MAGI1: variants seen among roughly 807,000 people sequenced by gnomAD.
MAGI1 encodes the protein membrane associated guanylate kinase, WW and PDZ domain containing 1, also known as membrane-associated guanylate kinase, WW and PDZ domain-containing protein 1.
Under a neutral mutation model 139.9 loss-of-function variants are expected in MAGI1, and 58 were observed. The ratio of observed to expected loss-of-function variants is 0.41; its 90% CI spans 0.34 to 0.52. MAGI1 has a LOEUF of 0.52. Ranked by LOEUF, MAGI1 falls within the 20% of genes least tolerant of loss-of-function variation. MAGI1 has a pLI of 0.12. For synonymous variants in MAGI1, 812 were observed against 737.9 expected, an observed-to-expected ratio of 1.10 and a Z score of -1.63; for missense variants, 1,874 against 1,901.6, an observed-to-expected ratio of 0.99 and a Z score of 0.27.
intron 1 of MAGI1, among the ~76,000 whole-genome samples, chr3:65,982,823 G>A (rs11922509): frequency 0.051 from 7,744 of 152,202 alleles, 632 homozygotes; most frequent in African/African-American, 0.18. Flanking sequence ...GGTACTAAAA[G>A]CTCTCATGAG....
At chr3:65,737,859 G>A (rs147555696) in intron 1 of MAGI1, among the ~76,000 whole-genome samples, 3 of 151,856 alleles carry the variant, frequency 2.0e-5, no homozygotes, top group Admixed American at 6.6e-5. Context: ...ACCAATTACC[G>A]AAAACAACAC....
At chr3:65,723,435 G>A (rs1176811118) in intron 1 of MAGI1, among the ~76,000 whole-genome samples, 2 of 152,134 alleles carry the variant, frequency 1.3e-5, no homozygotes, top group Admixed American at 6.5e-5. Flanking sequence ...ACAATCTCTA[G>A]GGGCAGAAAT....
At chr3:65,478,899 T>G in intron 3 of MAGI1, 101 bp from the exon 4 acceptor site, 1 of 863,202 alleles carries the variant, frequency 1.2e-6, no homozygotes, top group Non-Finnish European at 1.9e-6. Flanking sequence ...AAAAAAAAAT[T>G]AAACTAGAAA....
intron 1 of MAGI1, among the ~76,000 whole-genome samples, chr3:65,780,778 C>A (rs1240335436): frequency 6.6e-6 from 1 of 152,102 alleles, no homozygotes; most frequent in Non-Finnish European, 1.5e-5. Context: ...CCATGGGTTA[C>A]AGAAGGGGGT....
chr3:65,625,214 T>C (rs905652915), intron 1 of MAGI1, among the ~76,000 whole-genome samples: 1 of 152,210 alleles, frequency 6.6e-6, no homozygotes, highest in Non-Finnish European at 1.5e-5. Flanking sequence ...CATTGGTTTA[T>C]ATATTTGTCA....
intron 1 of MAGI1, among the ~76,000 whole-genome samples, chr3:65,981,093 G>A (rs558832359): frequency 2.0e-4 from 30 of 150,342 alleles, no homozygotes; most frequent in African/African-American, 6.6e-4. Flanking sequence ...CCCGGGAGGC[G>A]GAGGTTGCAG....
At chr3:65,996,680 A>C (rs1051042051) in intron 1 of MAGI1, among the ~76,000 whole-genome samples, 1 of 152,070 alleles carries the variant, frequency 6.6e-6, no homozygotes, top group African/African-American at 2.4e-5. Flanking sequence ...GAACTCCCAC[A>C]TTTCCTGTTC....
chr3:65,424,630 C>T (rs942566529), intron 12 of MAGI1, among the ~76,000 whole-genome samples: 3 of 152,090 alleles, frequency 2.0e-5, no homozygotes, highest in Non-Finnish European at 2.9e-5. Context: ...TTCTATTCTC[C>T]TTGGAAGTAG....
chr3:65,959,497 T>C (rs923515438), intron 1 of MAGI1, among the ~76,000 whole-genome samples: 10 of 151,632 alleles, frequency 6.6e-5, no homozygotes, highest in African/African-American at 2.4e-4. Flanking sequence ...AGTGCAGTGG[T>C]GTGATCATAG....
At chr3:65,975,321 G>T (rs1487841710) in intron 1 of MAGI1, among the ~76,000 whole-genome samples, 1 of 152,150 alleles carries the variant, frequency 6.6e-6, no homozygotes, top group Non-Finnish European at 1.5e-5. Context: ...AAAGGAAAAA[G>T]AATTTAGACC....
At chr3:65,963,847 G>T (rs1227430507) in intron 1 of MAGI1, among the ~76,000 whole-genome samples, 1 of 152,200 alleles carries the variant, frequency 6.6e-6, no homozygotes, top group Non-Finnish European at 1.5e-5. Context: ...CACAATGCCA[G>T]GGATAGAGTG....
intron 2 of MAGI1, among the ~76,000 whole-genome samples, chr3:65,558,172 C>T (rs867826): frequency 0.017 from 2,557 of 152,042 alleles, 67 homozygotes; most frequent in African/African-American, 0.058. Flanking sequence ...TATTAATAGA[C>T]GTAGAGGCTA....
intron 4 of MAGI1, 115 bp downstream of exon 4, chr3:65,478,477 T>C (rs778360606): frequency 2.1e-6 from 2 of 966,970 alleles, no homozygotes; most frequent in Admixed American, 1.8e-5. Context: ...AGTTTGAATT[T>C]TGGCGACTCT....
At chr3:65,750,177 AATAGTTT>A (rs2036028789) in intron 1 of MAGI1, among the ~76,000 whole-genome samples, 2 of 152,196 alleles carry the variant, frequency 1.3e-5, no homozygotes. Flanking sequence ...TTGGCAAAAT[AATAGTTT>A]GGGACCCCAA....
chr3:65,641,847 G>A (rs144841776), intron 1 of MAGI1, among the ~76,000 whole-genome samples: 3 of 152,292 alleles, frequency 2.0e-5, no homozygotes, highest in Non-Finnish European at 4.4e-5. Flanking sequence ...GCTCAGCCAC[G>A]CTTTTCTCTT....
intron 18 of MAGI1, among the ~76,000 whole-genome samples, chr3:65,367,910 C>A (rs1322407196): frequency 6.6e-6 from 1 of 152,156 alleles, no homozygotes; most frequent in Admixed American, 6.5e-5. Context: ...ATATGAAACA[C>A]CCTGCTTTGA....
intron 1 of MAGI1, among the ~76,000 whole-genome samples, chr3:65,659,812 C>A (rs929995264): frequency 6.6e-6 from 1 of 152,160 alleles, no homozygotes. Flanking sequence ...CTCCTCCAAA[C>A]CAAAACCACT....
chr3:65,828,104 G>C (rs1415072447), intron 1 of MAGI1, among the ~76,000 whole-genome samples: 1 of 152,186 alleles, frequency 6.6e-6, no homozygotes, highest in East Asian at 1.9e-4. Context: ...TGCTTTCTTG[G>C]CATTGGAGAA....
chr3:65,544,068 A>G (rs2079386230), intron 2 of MAGI1, among the ~76,000 whole-genome samples: 2 of 152,182 alleles, frequency 1.3e-5, no homozygotes, highest in Admixed American at 6.6e-5. Context: ...ACATAGAAGC[A>G]GATATATAAA....
Sources: allele counts gnomAD v4.1 joint callset (sites outside exome capture counted in the v4.1 genomes callset), GRCh38; gene constraint gnomAD v4.1.1; transcripts MANE v1.5; gene names NCBI Gene and HGNC (gene_info 2026-07-23, HGNC 2026-07-21).